The following ANKRD30A variants were observed in gnomAD, a reference collection of about 807,000 sequenced individuals.
ANKRD30A encodes the protein ankyrin repeat domain-containing protein 30A.
In ANKRD30A, 170 loss-of-function variants were observed where a neutral mutation model predicts 166.3. The ratio of observed to expected loss-of-function variants is 1.02; its 90% CI spans 0.90 to 1.16. ANKRD30A has a LOEUF of 1.16. Among genes scored for constraint, ANKRD30A ranks in the 50% most tolerant of loss-of-function variants. The pLI is 0.00. For synonymous variants in ANKRD30A, 564 were observed against 508.9 expected (o/e 1.11, Z -1.46); for missense variants, 1,630 against 1,518.0 (o/e 1.07, Z -1.23).
intron 18 of ANKRD30A, among the ~76,000 whole-genome samples, chr10:37,166,226 G>T (rs1588850135): frequency 6.6e-6 from 1 of 152,090 alleles, no homozygotes; most frequent in African/African-American, 2.4e-5. Context: ...TATGTGTCCA[G>T]GCAAGTAGCA....
intron 34 of ANKRD30A, 131 bp downstream of exon 34, chr10:37,220,028 T>TATATATATATATATATAA (rs1491157188): frequency 1.3e-5 from 2 of 152,078 alleles, no homozygotes; most frequent in East Asian, 3.9e-4. Context: ...TATATATATA[T>TATATATATATATATATAA]AATATATGTA....
intron 17 of ANKRD30A, among the ~76,000 whole-genome samples, chr10:37,163,122 G>A (rs1196550864): frequency 6.7e-6 from 1 of 150,212 alleles, no homozygotes; most frequent in Non-Finnish European, 1.5e-5. Flanking sequence ...TATTTCTTAA[G>A]GATTCAAGAA....
intron 15 of ANKRD30A, among the ~76,000 whole-genome samples, chr10:37,161,259 G>T (rs1465060732): frequency 6.6e-6 from 1 of 152,134 alleles, no homozygotes; most frequent in Non-Finnish European, 1.5e-5. Context: ...ACATAACATG[G>T]TCAGGAGAAT....
chr10:37,166,964 A>G (rs1839402972), intron 19 of ANKRD30A, among the ~76,000 whole-genome samples: 1 of 152,116 alleles, frequency 6.6e-6, no homozygotes, highest in Non-Finnish European at 1.5e-5. Flanking sequence ...GAAAGTAGTA[A>G]TAGAGTAAAT....
intron 15 of ANKRD30A, among the ~76,000 whole-genome samples, chr10:37,160,857 T>G (rs1308695760): frequency 6.6e-6 from 1 of 152,220 alleles, no homozygotes; most frequent in Non-Finnish European, 1.5e-5. Context: ...GAATAAAGCA[T>G]CTGGTTGTAA....
intron 5 of ANKRD30A, among the ~76,000 whole-genome samples, chr10:37,135,534 A>C (rs1662661678): frequency 6.6e-6 from 1 of 152,246 alleles, no homozygotes; most frequent in Admixed American, 6.5e-5. Flanking sequence ...GTTAGTAGGC[A>C]TCTCAGAAAT....
At chr10:37,213,049 T>C (rs1842419503) in intron 31 of ANKRD30A, among the ~76,000 whole-genome samples, 1 of 151,924 alleles carries the variant, frequency 6.6e-6, no homozygotes, top group South Asian at 2.1e-4. Context: ...TTTGGCTAGA[T>C]AGACTTTTGC....
chr10:37,225,138 AAT>A (rs1340447472), intron 34 of ANKRD30A, among the ~76,000 whole-genome samples: 1 of 150,986 alleles, frequency 6.6e-6, no homozygotes, highest in Non-Finnish European at 1.5e-5. Flanking sequence ...AATAAATATT[AAT>A]AGTTTATATA....
chr10:37,265,459 G>GGT, the ANKRD30A span, among the ~76,000 whole-genome samples: 1 of 152,118 alleles, frequency 6.6e-6, no homozygotes, highest in Admixed American at 6.5e-5. Context: ...TTCTTCTCTG[G>GGT]GTGTATTTCT....
intron 24 of ANKRD30A, among the ~76,000 whole-genome samples, chr10:37,183,653 G>A (rs949828493): frequency 6.8e-6 from 1 of 147,750 alleles, no homozygotes; most frequent in Non-Finnish European, 1.5e-5. Context: ...ATGGGAAGAA[G>A]TAGTTCAGTT....
At chr10:37,157,226 A>G (rs1293028078) in intron 13 of ANKRD30A, among the ~76,000 whole-genome samples, 1 of 152,240 alleles carries the variant, frequency 6.6e-6, no homozygotes, top group Non-Finnish European at 1.5e-5. Context: ...CGGTGTAACA[A>G]ATAGAATTAG....
At chr10:37,244,150 T>C in the ANKRD30A span, among the ~76,000 whole-genome samples, 1 of 152,334 alleles carries the variant, frequency 6.6e-6, no homozygotes, top group Non-Finnish European at 1.5e-5. Flanking sequence ...CCTGGCAGTT[T>C]TGGGTGCCAG....
At chr10:37,251,500 A>C in the ANKRD30A span, among the ~76,000 whole-genome samples, 2 of 152,168 alleles carry the variant, frequency 1.3e-5, no homozygotes. Context: ...GCTGTCCCTT[A>C]GATGCCTGAC....
At chr10:37,179,498 A>T (rs1176352935) in intron 24 of ANKRD30A, among the ~76,000 whole-genome samples, 1 of 150,958 alleles carries the variant, frequency 6.6e-6, no homozygotes, top group African/African-American at 2.4e-5. Context: ...ACATTATGGG[A>T]ATGAATACCC....
chr10:37,191,431 T>C (rs1840568368), intron 25 of ANKRD30A, among the ~76,000 whole-genome samples: 1 of 152,004 alleles, frequency 6.6e-6, no homozygotes, highest in African/African-American at 2.4e-5. Flanking sequence ...AAGAACATGA[T>C]GAATGTTTGT....
chr10:37,162,874 A>G (rs780527373), intron 17 of ANKRD30A, 26 bp downstream of exon 17: 1 of 1,606,010 alleles, frequency 6.2e-7, no homozygotes, highest in East Asian at 2.2e-5. Context: ...TAACTATGGA[A>G]AGACCAATAT....
chr10:37,139,007 A>T (rs1044126142), intron 6 of ANKRD30A, among the ~76,000 whole-genome samples: 5 of 152,252 alleles, frequency 3.3e-5, no homozygotes, highest in African/African-American at 1.2e-4. Context: ...AGGGAAGCCC[A>T]TCAGACTAAC....
chr10:37,164,415 A>T (rs1295375936), intron 17 of ANKRD30A, among the ~76,000 whole-genome samples: 2 of 151,388 alleles, frequency 1.3e-5, no homozygotes, highest in Non-Finnish European at 2.9e-5. Context: ...TACATTTCTG[A>T]TGTTTCTCCA....
intron 13 of ANKRD30A, among the ~76,000 whole-genome samples, chr10:37,156,260 G>C (rs545976512): frequency 6.6e-6 from 1 of 152,048 alleles, no homozygotes; most frequent in Admixed American, 6.5e-5. Context: ...ATCCAAGTAC[G>C]TACAGCCATA....
Sources: gnomAD v4.1 joint callset for allele counts (sites outside exome capture counted in the v4.1 genomes callset) on GRCh38, gnomAD v4.1.1 for gene constraint, MANE v1.5 for transcripts, NCBI Gene and HGNC (gene_info 2026-07-23, HGNC 2026-07-21) for gene names.